The following RCC2 variants were observed in gnomAD, a reference collection of about 807,000 sequenced individuals.
RCC2 encodes the protein regulator of chromosome condensation 2.
Under a neutral mutation model 64.1 loss-of-function variants are expected in RCC2, and 19 were observed. The ratio of observed to expected loss-of-function variants is 0.30; its 90% CI spans 0.21 to 0.44. RCC2 has a LOEUF of 0.44. RCC2 is among the 20% of genes least tolerant of loss of function. The pLI, the probability that RCC2 is intolerant of heterozygous loss-of-function variation, is 1.00. For synonymous variants in RCC2, 325 were observed against 279.6 expected, an observed-to-expected ratio of 1.16 and a Z score of -1.62; for missense variants, 508 against 710.4, an observed-to-expected ratio of 0.72 and a Z score of 3.24.
chr1:17,410,481 CA>C (rs2075412402), intron 11 of RCC2, among the ~76,000 whole-genome samples: 2 of 152,144 alleles, frequency 1.3e-5, no homozygotes, highest in Non-Finnish European at 2.9e-5. Flanking sequence ...CCATCCAAAA[CA>C]AAACAAAATA....
chr1:17,416,399 G>A lies in RCC2; in HGVS notation c.1026+81C>T, dbSNP rs2075485395. 7 of 1,475,684 alleles carry A rather than the reference G, an allele frequency of 4.7e-6. No individual in the cohort carries two copies. In the South Asian group the frequency reaches 9.0e-5, roughly 19 times the overall value. 91.4% of individuals were successfully genotyped at this position (1,475,684 alleles called of 1,614,324 possible). ...TACCTGGGATCAGTTCCTAGCCAAA[G>A]CCAAGCGTCAGGAAACTTGAGCATA... On this transcript the variant is annotated intron_variant, in intron 8 of 12. Coordinates refer to ENST00000375436, the MANE Select transcript of RCC2 (RefSeq NM_018715.4).
chr1:17,411,483 G>A (rs1295753510), intron 11 of RCC2, among the ~76,000 whole-genome samples: 1 of 151,856 alleles, frequency 6.6e-6, no homozygotes, highest in Admixed American at 6.6e-5. Context: ...GGCTGAAGCA[G>A]GAGAACTGAG....
chr1:17,417,980 C>T (rs183081661), intron 7 of RCC2, among the ~76,000 whole-genome samples: 1 of 152,252 alleles, frequency 6.6e-6, no homozygotes, highest in African/African-American at 2.4e-5. Context: ...ACATTAGGTA[C>T]TGAAGTAATC....
chr1:17,439,446 C>T (rs1253597882), intron 1 of RCC2, 99 bp downstream of exon 1: 1 of 149,372 alleles, frequency 6.7e-6, no homozygotes, highest in Non-Finnish European at 1.5e-5. Flanking sequence ...AGCCCCCCTC[C>T]CCCAGGTTTT....
At chr1:17,425,752 C>T in intron 3 of RCC2, 68 bp from the exon 4 acceptor site, 4 of 1,505,932 alleles carry the variant, frequency 2.7e-6, no homozygotes, top group South Asian at 2.5e-5. Flanking sequence ...ATGTCACTGG[C>T]CACCAAGCAG....
At chr1:17,435,762 C>T (rs1265591885) in intron 2 of RCC2, among the ~76,000 whole-genome samples, 1 of 152,010 alleles carries the variant, frequency 6.6e-6, no homozygotes, top group East Asian at 1.9e-4. Context: ...ACTAAAAATA[C>T]AAAAAATTAG....
Position 17,438,495 on chromosome 1 carries a change from G to A in RCC2, c.20C>T (p.Ala7Val), listed in dbSNP as rs747715671. 2.2e-6 allele frequency: 3 copies of A among 1,344,312 alleles called. No individual in the cohort carries two copies. The highest frequency in any genetic ancestry group is 2.1e-5 in the South Asian group (1 of 46,812). 83.3% of individuals were successfully genotyped at this position (1,344,312 alleles called of 1,614,324 possible). Residue 7 changes from alanine to valine, a missense_variant, in exon 2 of 13, where the codon GCG becomes GTG. Ala to Val is a moderately conservative substitution (Grantham distance 64). Around this residue, in one of 4 missense-constraint regions of RCC2, gnomAD observed 195 missense variants for 158.3 expected, o/e 1.23. Coordinates refer to ENST00000375436, the MANE Select transcript of RCC2 (RefSeq NM_018715.4). The stretch of plus-strand genomic sequence containing the variant: ...GCTCGGCTCCTCCCAGGCCGCCGCC[G>A]CCGCCTTCTTCCTGGGCATGGTCGC... MPRKKA[A>V]AAAWEEPSSG... is the part of the protein sequence containing the mutation.
At chr1:17,422,870 G>C in intron 4 of RCC2, 34 bp from the exon 5 acceptor site, 2 of 1,612,910 alleles carry the variant, frequency 1.2e-6, no homozygotes, top group Non-Finnish European at 1.7e-6. Context: ...AGAAAAGAGA[G>C]AGGGTGGTCC....
At chr1:17,409,446 T>C (rs1383755174) in intron 12 of RCC2, among the ~76,000 whole-genome samples, 2 of 152,218 alleles carry the variant, frequency 1.3e-5, no homozygotes, top group South Asian at 2.1e-4. Flanking sequence ...CCACCTCTTA[T>C]CAGCAGGGAC....
rs1439040611 is a variant in RCC2 at position 17,412,651 on chromosome 1, A to T, written c.1313+422T>A. On this transcript the variant is annotated intron_variant, in intron 10 of 12. Coordinates refer to ENST00000375436, the MANE Select transcript of RCC2 (RefSeq NM_018715.4). The stretch of plus-strand genomic sequence containing the variant: ...TGCCAGCTGATAAATCCAACTCCTC[A>T]GCAAGAAGTGCTAGCTAACTCAACA... Among the ~76,000 whole-genome samples, 3 of 152,230 alleles carry T rather than the reference A, an allele frequency of 2.0e-5. No homozygotes were observed. The East Asian group carries it at 5.8e-4, about 29-fold the overall frequency.
At chr1:17,418,406 C>G (rs976205043) in intron 7 of RCC2, among the ~76,000 whole-genome samples, 3 of 152,056 alleles carry the variant, frequency 2.0e-5, no homozygotes, top group Admixed American at 2.0e-4. Context: ...CGCCTGTAAT[C>G]CCAGCACTTT....
At chr1:17,410,565 G>A (rs2075413067) in intron 11 of RCC2, among the ~76,000 whole-genome samples, 1 of 152,238 alleles carries the variant, frequency 6.6e-6, no homozygotes, top group Non-Finnish European at 1.5e-5. Context: ...AGAGGTAGAA[G>A]GAACTGGATG....
intron 6 of RCC2, among the ~76,000 whole-genome samples, chr1:17,421,557 A>C (rs1292859141): frequency 2.0e-5 from 3 of 152,262 alleles, no homozygotes; most frequent in Middle Eastern, 3.4e-3. Flanking sequence ...TGGTGACTTT[A>C]TACAAGGTCA....
Position 17,431,359 on chromosome 1 carries a change from A to AAT in RCC2, c.286-2162_286-2161dup, listed in dbSNP as rs71014951. Among the ~76,000 whole-genome samples the AAT allele has an allele frequency of 2.7e-3, 123 of 44,910 alleles. 10 individuals carry two copies. Among genetic ancestry groups the AAT allele is most frequent in the African/African-American group, 3.5e-3 (33 of 9,430 alleles). The allele number at this position is 44,910 out of a possible 152,430, so 29.5% of individuals were successfully genotyped here. A position where few individuals can be genotyped will look rare whatever the true frequency, so the allele number is the denominator to read the frequency against. Reference sequence around the variant, plus strand: ...AAAAAAAAAAAAAAAAAAAAAAAAAAATATATATATATATATATATATGTG... The same window carrying AAT: ...AAAAAAAAAAAAAAAAAAAAAAAAAAATATATATATATATATATATATATGTG... On this transcript the variant is annotated intron_variant, in intron 2 of 12. Coordinates refer to ENST00000375436, the MANE Select transcript of RCC2 (RefSeq NM_018715.4).
chr1:17,413,040 G>C, intron 10 of RCC2, 33 bp downstream of exon 10: 1 of 1,501,328 alleles, frequency 6.7e-7, no homozygotes, highest in Non-Finnish European at 9.3e-7. Context: ...GAAAGGAAGA[G>C]ACCTCATACC....
Position 17,409,012 on chromosome 1 carries a change from G to A in RCC2, c.*78C>T, listed in dbSNP as rs1436723494. 2.6e-6 allele frequency: 3 copies of A among 1,133,814 alleles called. No homozygotes were observed. Among genetic ancestry groups the A allele is most frequent in the Admixed American group, 1.8e-5 (1 of 56,860 alleles). The allele number at this position is 1,133,814 out of a possible 1,614,324, so 70.2% of individuals were successfully genotyped here. A position where few individuals can be genotyped will look rare whatever the true frequency, so the allele number is the denominator to read the frequency against. ...CAACTTTTGCTTTTTTAAATTCCTC[G>A]TTTGACTTCCCGTCCCAGTGCACAT... On this transcript the variant is annotated 3_prime_UTR_variant, in exon 13 of 13. Coordinates refer to ENST00000375436, the MANE Select transcript of RCC2 (RefSeq NM_018715.4).
chr1:17,410,140 C>A (rs2075409419), intron 11 of RCC2, 89 bp from the exon 12 acceptor site: 1 of 1,195,356 alleles, frequency 8.4e-7, no homozygotes, highest in East Asian at 2.5e-5. Context: ...CTGGCCCCCA[C>A]TAACCAGAAG....
chr1:17,432,523 T>C lies in RCC2; in HGVS notation c.286-3324A>G, dbSNP rs1003999042. On this transcript the variant is annotated intron_variant, in intron 2 of 12. Transcript: ENST00000375436. ...GCAGGCGGAGGTTCATGGGCACCTG[T>C]GCTCAGTATGAACCATTGAAGTCAA... Among the ~76,000 whole-genome samples, 7 of 152,204 alleles carry C rather than the reference T, an allele frequency of 4.6e-5. No homozygotes were observed. In the East Asian group the frequency reaches 1.2e-3, roughly 25 times the overall value.
rs1157570445 is a variant in RCC2, at chr1:17,416,633, A to G, written c.873T>C (p.Asp291=). The change falls in exon 8 of 13, where the codon GAT becomes GAC. Residue 291 remains aspartate, a synonymous_variant. Coordinates refer to ENST00000375436, the MANE Select transcript of RCC2 (RefSeq NM_018715.4). The part of the protein sequence containing the change: ...PEYGQLGHNS[D]GKFIARAQRI... ...GCTGTGCCCGGGCGATGAACTTCCC[A>G]TCTGAGTTGTGTCCTGTAGAGACCA... is the stretch of plus-strand genomic sequence containing the variant. 1 of 1,612,914 alleles carries G rather than the reference A, an allele frequency of 6.2e-7. No individual in the cohort carries two copies. The highest frequency in any genetic ancestry group is 1.1e-5 in the South Asian group (1 of 90,972).
Sources: gnomAD v4.1 joint callset for allele counts (sites outside exome capture counted in the v4.1 genomes callset) on GRCh38, gnomAD v4.1.1 for gene constraint, gnomAD v4.1.1 regional missense constraint, MANE v1.5 for transcripts, NCBI Gene and HGNC (gene_info 2026-07-23, HGNC 2026-07-21) for gene names.